Variants in TTC28 observed in about 807,000 individuals in gnomAD.
The protein encoded by TTC28 is tetratricopeptide repeat protein 28.
In TTC28, 61 loss-of-function variants were observed where a neutral mutation model predicts 198.0. That is an observed-to-expected ratio of 0.31 (90% CI 0.25 to 0.38). TTC28 has a LOEUF of 0.38. Ranked by LOEUF, TTC28 falls within the 10% of genes least tolerant of loss-of-function variation. TTC28 has a pLI of 1.00. For missense variants in TTC28, 2,678 were observed against 3,164.0 expected, an observed-to-expected ratio of 0.85 and a Z score of 3.69; for synonymous variants, 1,171 against 1,297.8, an observed-to-expected ratio of 0.90 and a Z score of 2.10.
At chr22:28,483,001 T>C (rs1203102223) in intron 2 of TTC28, among the ~76,000 whole-genome samples, 1 of 152,230 alleles carries the variant, frequency 6.6e-6, no homozygotes, top group Non-Finnish European at 1.5e-5. Flanking sequence ...TTCTACCTAT[T>C]ACCTGTTGTG....
At chr22:28,012,135 G>C (rs1210798811) in intron 14 of TTC28, among the ~76,000 whole-genome samples, 1 of 152,318 alleles carries the variant, frequency 6.6e-6, no homozygotes, top group East Asian at 1.9e-4. Context: ...ACAGTCAGTA[G>C]CAGTAAAGAA....
At chr22:28,304,785 C>A (rs1270363021) in intron 3 of TTC28, among the ~76,000 whole-genome samples, 1 of 152,094 alleles carries the variant, frequency 6.6e-6, no homozygotes, top group East Asian at 1.9e-4. Flanking sequence ...GAGGTAGTAT[C>A]TTCATGAACT....
intron 6 of TTC28, among the ~76,000 whole-genome samples, chr22:28,126,859 T>C (rs1469769253): frequency 6.6e-6 from 1 of 152,172 alleles, no homozygotes; most frequent in African/African-American, 2.4e-5. Context: ...TCCAAATTAT[T>C]TGATTGCAGG....
chr22:28,611,871 T>C (rs1278915417), intron 2 of TTC28, among the ~76,000 whole-genome samples: 1 of 152,076 alleles, frequency 6.6e-6, no homozygotes, highest in Non-Finnish European at 1.5e-5. Context: ...CAAGAGATTT[T>C]GTCACCAGCA....
chr22:28,250,335 T>A (rs1163548120), intron 5 of TTC28, among the ~76,000 whole-genome samples: 1 of 152,220 alleles, frequency 6.6e-6, no homozygotes, highest in Non-Finnish European at 1.5e-5. Context: ...TTTCAAAATT[T>A]AAAACTCTAC....
intron 6 of TTC28, among the ~76,000 whole-genome samples, chr22:28,129,485 G>C (rs903574983): frequency 6.6e-6 from 1 of 152,200 alleles, no homozygotes; most frequent in African/African-American, 2.4e-5. Context: ...TGGCGGTCAA[G>C]GATTTAATCT....
At chr22:28,002,817 C>T (rs759371314) in intron 14 of TTC28, 1 of 152,098 alleles carries the variant, frequency 6.6e-6, no homozygotes, top group African/African-American at 2.4e-5. Flanking sequence ...GAAACTGCAT[C>T]TCTACTAAAA....
rs1272379267 is a variant in TTC28 at position 28,654,530 on chromosome 22, G to C, written c.103-24700C>G. Reference sequence around the variant, plus strand: ...TTTAGTAGAGACGGGGTTTCACCATGTTGGCCAGGATGGTCTCAAACTCCT... The same window carrying C: ...TTTAGTAGAGACGGGGTTTCACCATCTTGGCCAGGATGGTCTCAAACTCCT... On this transcript the variant is annotated intron_variant, in intron 1 of 22. Transcript: ENST00000397906. Among the ~76,000 whole-genome samples the C allele has an allele frequency of 2.6e-5, 4 of 152,096 alleles. No individual in the cohort carries two copies. The South Asian group carries it at 6.2e-4, about 24-fold the overall frequency.
At chr22:28,101,056 C>A in intron 9 of TTC28, 115 bp downstream of exon 9, 2 of 715,848 alleles carry the variant, frequency 2.8e-6, no homozygotes, top group Non-Finnish European at 4.5e-6. Context: ...TACACATTAG[C>A]CCAAGGGTAG....
intron 6 of TTC28, among the ~76,000 whole-genome samples, chr22:28,129,284 T>C (rs1289358324): frequency 6.6e-6 from 1 of 152,192 alleles, no homozygotes; most frequent in African/African-American, 2.4e-5. Flanking sequence ...CTGGGATTGC[T>C]GAGAAAGATT....
intron 1 of TTC28, among the ~76,000 whole-genome samples, chr22:28,635,366 G>T (rs78006893): frequency 2.0e-5 from 3 of 151,890 alleles, no homozygotes; most frequent in African/African-American, 7.3e-5. Flanking sequence ...TACTCCTTAA[G>T]GAGATAATGA....
At chr22:27,991,606 A>G (rs1397167795) in intron 19 of TTC28, among the ~76,000 whole-genome samples, 1 of 152,218 alleles carries the variant, frequency 6.6e-6, no homozygotes, top group Non-Finnish European at 1.5e-5. Flanking sequence ...GCTGGCAAAT[A>G]TCTCTAATAA....
At chr22:28,090,334 A>AT (rs374503873) in intron 12 of TTC28, among the ~76,000 whole-genome samples, 1 of 151,846 alleles carries the variant, frequency 6.6e-6, no homozygotes. Context: ...TCTATATCCT[A>AT]TTTTTTTCAC....
chr22:28,651,897 C>T (rs1179951981), intron 1 of TTC28, among the ~76,000 whole-genome samples: 1 of 151,696 alleles, frequency 6.6e-6, no homozygotes, highest in East Asian at 2.0e-4. Flanking sequence ...TGGAGTGCAA[C>T]GGCTGGGTCT....
At chr22:28,284,367 A>G (rs936672587) in intron 5 of TTC28, among the ~76,000 whole-genome samples, 1 of 152,202 alleles carries the variant, frequency 6.6e-6, no homozygotes, top group Non-Finnish European at 1.5e-5. Flanking sequence ...TTGTCAATCA[A>G]GTTGAAAAAA....
chr22:28,252,023 T>C (rs989396276), intron 5 of TTC28, among the ~76,000 whole-genome samples: 1 of 152,220 alleles, frequency 6.6e-6, no homozygotes, highest in Non-Finnish European at 1.5e-5. Context: ...TACTCAGGAA[T>C]AGCCACAAAA....
intron 2 of TTC28, among the ~76,000 whole-genome samples, chr22:28,320,116 C>A (rs2045422160): frequency 6.6e-6 from 1 of 152,072 alleles, no homozygotes; most frequent in Admixed American, 6.6e-5. Context: ...TCTGGTCTTA[C>A]CATATTGCTC....
At chr22:28,605,005 T>C (rs1456730404) in intron 2 of TTC28, among the ~76,000 whole-genome samples, 1 of 152,232 alleles carries the variant, frequency 6.6e-6, no homozygotes, top group Non-Finnish European at 1.5e-5. Context: ...ACTTAACATA[T>C]GTTTATAACT....
chr22:28,186,186 T>G (rs1439132879), intron 5 of TTC28, among the ~76,000 whole-genome samples: 1 of 152,210 alleles, frequency 6.6e-6, no homozygotes, highest in Non-Finnish European at 1.5e-5. Flanking sequence ...TGATGTTTTT[T>G]GAGCAACATA....
Sources: gnomAD v4.1 joint callset for allele counts (sites outside exome capture counted in the v4.1 genomes callset) on GRCh38, gnomAD v4.1.1 for gene constraint, MANE v1.5 for transcripts, NCBI Gene and HGNC (gene_info 2026-07-23, HGNC 2026-07-21) for gene names.